Variants in OIT3 observed in about 807,000 individuals in gnomAD.
OIT3 encodes oncoprotein-induced transcript 3 protein.
Under a neutral mutation model 52.2 loss-of-function variants are expected in OIT3, and 41 were observed. That is an observed-to-expected ratio of 0.79 (90% CI 0.61 to 1.02). The LOEUF (loss-of-function observed/expected upper bound fraction) is 1.02, where lower values mean the gene tolerates loss of function less well. OIT3 is among the 50% of genes least tolerant of loss of function. The probability of loss-of-function intolerance (pLI) is 0.00; values close to 1 mark genes in which losing one functional copy is unlikely to be tolerated. For synonymous variants in OIT3, 244 were observed against 276.9 expected, an observed-to-expected ratio of 0.88 and a Z score of 1.18; for missense variants, 634 against 715.5, an observed-to-expected ratio of 0.89 and a Z score of 1.30.
chr10:72,916,372 G>A (rs919271216), intron 6 of OIT3, among the ~76,000 whole-genome samples: 2 of 152,086 alleles, frequency 1.3e-5, no homozygotes, highest in African/African-American at 4.8e-5. Flanking sequence ...TCCACACTAT[G>A]TGTCAGTGTG....
At chr10:72,900,694 G>T (rs1262535114) in intron 3 of OIT3, among the ~76,000 whole-genome samples, 1 of 152,144 alleles carries the variant, frequency 6.6e-6, no homozygotes, top group Non-Finnish European at 1.5e-5. Context: ...CTCCACTAGG[G>T]TAGCCACAGA....
chr10:72,928,528 T>C (rs1348566538), intron 7 of OIT3, among the ~76,000 whole-genome samples: 1 of 152,246 alleles, frequency 6.6e-6, no homozygotes, highest in Non-Finnish European at 1.5e-5. Flanking sequence ...TTGAAAATGC[T>C]CAGGTATTTA....
At chr10:72,908,115 C>T (rs1009981271) in intron 4 of OIT3, among the ~76,000 whole-genome samples, 11 of 152,038 alleles carry the variant, frequency 7.2e-5, no homozygotes, top group South Asian at 2.1e-4. Flanking sequence ...TGGTGGCGGG[C>T]GCCTGTAATC....
At chr10:72,906,538 G>T in intron 3 of OIT3, 58 bp from the exon 4 acceptor site, 7 of 1,604,564 alleles carry the variant, frequency 4.4e-6, no homozygotes, top group African/African-American at 1.3e-5. Flanking sequence ...TGCCCGGGGG[G>T]TTGGGAAAAG....
At chr10:72,894,843 G>A (rs759321763) in intron 1 of OIT3, among the ~76,000 whole-genome samples, 7 of 151,916 alleles carry the variant, frequency 4.6e-5, no homozygotes, top group East Asian at 1.9e-4. Context: ...AGCCGAGATC[G>A]AACCACTGCA....
At chr10:72,904,050 C>T (rs547373566) in intron 3 of OIT3, among the ~76,000 whole-genome samples, 43 of 152,270 alleles carry the variant, frequency 2.8e-4, no homozygotes, top group African/African-American at 9.9e-4. Context: ...CGACCCCTGA[C>T]CTAACCGGTT....
At chr10:72,912,272 C>CTTTTTTTTT (rs749814581) in intron 5 of OIT3, among the ~76,000 whole-genome samples, 13 of 125,840 alleles carry the variant, frequency 1.0e-4, no homozygotes, top group Non-Finnish European at 1.2e-4. Flanking sequence ...TCTTTTTTTT[C>CTTTTTTTTT]TTTTTTTTTT....
rs1208396258 is a variant in OIT3 at position 72,917,744 on chromosome 10, A to T, written c.951+4276A>T. 4.9e-6 allele frequency: 6 copies of T among 1,216,998 alleles called. No individual in the cohort carries two copies. The East Asian group carries it at 1.4e-4, about 28-fold the overall frequency. The allele number at this position is 1,216,998 out of a possible 1,614,324, so 75.4% of individuals were successfully genotyped here. A position where few individuals can be genotyped will look rare whatever the true frequency, so the allele number is the denominator to read the frequency against. On this transcript the variant is annotated intron_variant, in intron 6 of 8. Transcript: ENST00000334011. ...ACTTGGCTGCCACTTTGGGAAGAGA[A>T]TCACCTTTTTCTGTACTTGCTTGCA...
chr10:72,915,567 C>T (rs1413611963), intron 6 of OIT3, among the ~76,000 whole-genome samples: 1 of 152,142 alleles, frequency 6.6e-6, no homozygotes, highest in Non-Finnish European at 1.5e-5. Flanking sequence ...TAACATTGCA[C>T]TCATGGCCAG....
At chr10:72,924,699 G>A (rs2132947494) in intron 7 of OIT3, 55 bp downstream of exon 7, 1 of 1,375,598 alleles carries the variant, frequency 7.3e-7, no homozygotes, top group South Asian at 1.4e-5. Context: ...CGGCCTCTAA[G>A]TTCACAGCAC....
At chr10:72,903,175 C>T (rs1845948745) in intron 3 of OIT3, among the ~76,000 whole-genome samples, 1 of 152,098 alleles carries the variant, frequency 6.6e-6, no homozygotes, top group Admixed American at 6.5e-5. Flanking sequence ...ATATAACAGA[C>T]ACTCATGTAC....
chr10:72,907,605 G>T (rs1845992048), intron 4 of OIT3, among the ~76,000 whole-genome samples: 1 of 152,130 alleles, frequency 6.6e-6, no homozygotes, highest in Non-Finnish European at 1.5e-5. Context: ...TGGGGACTTC[G>T]AGTTTGTGTT....
Position 72,899,710 on chromosome 10 carries a change from TA to T in OIT3, c.437-666del, listed in dbSNP as rs1564589145. Among the ~76,000 whole-genome samples the T allele has an allele frequency of 2.9e-3, 209 of 71,086 alleles. 1 individual carries two copies. Among genetic ancestry groups the T allele is most frequent in the African/African-American group, 0.012 (200 of 16,944 alleles). 46.6% of individuals were successfully genotyped at this position (71,086 alleles called of 152,430 possible). A position where few individuals can be genotyped will look rare whatever the true frequency, so the allele number is the denominator to read the frequency against. On this transcript the variant is annotated intron_variant, in intron 2 of 8. Transcript: ENST00000334011. ...CTTTTTAAGATAGATAGATGATAGATAGATAGATAGATAGATAGATAGATAG... is the reference window on the plus strand; with the variant it reads ...CTTTTTAAGATAGATAGATGATAGATGATAGATAGATAGATAGATAGATAG...
chr10:72,922,089 G>A (rs557038820), intron 6 of OIT3, among the ~76,000 whole-genome samples: 49 of 152,262 alleles, frequency 3.2e-4, no homozygotes, highest in African/African-American at 1.2e-3. Flanking sequence ...AGGTGACTTA[G>A]CCTTTCTCTC....
Position 72,898,717 on chromosome 10 carries a change from G to C in OIT3, c.115G>C (p.Asp39His). The C allele has an allele frequency of 6.2e-7, 1 of 1,613,734 alleles. No homozygotes were observed. Among genetic ancestry groups the C allele is most frequent in the South Asian group, 1.1e-5 (1 of 91,056 alleles). Residue 39 changes from aspartate (D) to histidine (H), a missense_variant, in exon 2 of 9, where the codon GAC becomes CAC. Transcript: ENST00000334011. ...CCTGAATGAGCCCTGGAGGAACACT[G>C]ACCACCAGTTGGATGAGTCTCAAGG... The part of the protein sequence containing the change: ...ISLNEPWRNT[D>H]HQLDESQGPP...
At chr10:72,924,704 C>T in intron 7 of OIT3, 60 bp downstream of exon 7, 2 of 1,313,122 alleles carry the variant, frequency 1.5e-6, no homozygotes, top group Non-Finnish European at 2.1e-6. Flanking sequence ...TCTAAGTTCA[C>T]AGCACACCCA....
chr10:72,910,710 A>C (rs1053266040), intron 4 of OIT3, among the ~76,000 whole-genome samples: 1 of 152,238 alleles, frequency 6.6e-6, no homozygotes, highest in African/African-American at 2.4e-5. Context: ...TGAGTGTCTC[A>C]GATGTTTTGA....
chr10:72,912,444 C>T (rs561751160), intron 5 of OIT3, among the ~76,000 whole-genome samples: 313 of 151,424 alleles, frequency 2.1e-3, no homozygotes, highest in African/African-American at 7.3e-3. Context: ...CTAATTTTTG[C>T]ATTTTTAGTA....
Position 72,898,858 on chromosome 10 carries a change from G to T in OIT3, c.256G>T (p.Val86Phe). ...PENHCGTHAPVWLNGSHPLEG... is the reference protein window; with the variant it reads ...PENHCGTHAPFWLNGSHPLEG... ...AAACCACTGTGGAACCCACGCACCT[G>T]TCTGGCTCAATGGCAGCCACCCCCT... Residue 86 changes from valine to phenylalanine, a missense_variant, in exon 2 of 9, where the codon GTC (valine) becomes TTC (phenylalanine). Physicochemically the swap from Val to Phe is conservative, Grantham distance 50 (BLOSUM62 -1). Transcript: ENST00000334011. The T allele has an allele frequency of 6.2e-7, 1 of 1,614,190 alleles. No homozygotes were observed. The highest frequency in any genetic ancestry group is 1.1e-5 in the South Asian group (1 of 91,080).
Sources: gnomAD v4.1 joint callset for allele counts (sites outside exome capture counted in the v4.1 genomes callset) on GRCh38, gnomAD v4.1.1 for gene constraint, MANE v1.5 for transcripts, NCBI Gene and HGNC (gene_info 2026-07-23, HGNC 2026-07-21) for gene names.